Variants in USP46 observed in about 807,000 individuals in gnomAD.
USP46 encodes ubiquitin specific peptidase 46, also known as ubiquitin carboxyl-terminal hydrolase 46.
In USP46, 12 loss-of-function variants were observed where a neutral mutation model predicts 44.4. The observed-to-expected ratio is 0.27, with a 90% confidence interval of 0.17 to 0.44. USP46 has a LOEUF of 0.44. USP46 is among the 20% of genes least tolerant of loss of function. The pLI is 1.00. For synonymous variants in USP46, 155 were observed against 161.5 expected (o/e 0.96, Z 0.31); for missense variants, 248 against 444.8 (o/e 0.56, Z 3.98).
chr4:52,593,905 C>T lies in USP46; in HGVS notation c.*3735G>A, dbSNP rs1361436406. The T allele has an allele frequency of 1.3e-5, 2 of 152,220 alleles. No individual in the cohort carries two copies. The highest frequency in any genetic ancestry group is 2.4e-5 in the African/African-American group (1 of 41,456). The allele number at this position is 152,220 out of a possible 1,614,324, so 9.4% of individuals were successfully genotyped here. A position where few individuals can be genotyped will look rare whatever the true frequency, so the allele number is the denominator to read the frequency against. On this transcript the variant is annotated 3_prime_UTR_variant, in exon 9 of 9. Transcript: ENST00000441222. ...CTGATATTCTCAATTTGCTATTCTC[C>T]AGATACCATTTCCTGAATTAAATTC...
chr4:52,659,196 G>A lies in USP46; in HGVS notation c.-46C>T, dbSNP rs770129425. Reference sequence around the variant, plus strand: ...TCCCTCACCGCCATCTTTACAAGGGGAAACCGGGACTGCCCATGGTGGCGC... The same window carrying A: ...TCCCTCACCGCCATCTTTACAAGGGAAAACCGGGACTGCCCATGGTGGCGC... On this transcript the variant is annotated 5_prime_UTR_variant, in exon 1 of 9. Coordinates refer to ENST00000441222, the MANE Select transcript of USP46 (RefSeq NM_022832.4). The surrounding 1 kb of genome is among the most constrained non-coding windows in gnomAD (Gnocchi z 4.2). The A allele has an allele frequency of 3.3e-6, 5 of 1,510,656 alleles. No homozygotes were observed. The highest frequency in any genetic ancestry group is 4.4e-6 in the Non-Finnish European group (5 of 1,127,142). The allele number at this position is 1,510,656 out of a possible 1,614,324, so 93.6% of individuals were successfully genotyped here. A position where few individuals can be genotyped will look rare whatever the true frequency, so the allele number is the denominator to read the frequency against.
intron 4 of USP46, among the ~76,000 whole-genome samples, chr4:52,620,240 G>C (rs564794127): frequency 2.0e-5 from 3 of 152,242 alleles, no homozygotes; most frequent in African/African-American, 7.2e-5. Context: ...CTACAGATGT[G>C]TCTGAGCCCA....
intron 6 of USP46, among the ~76,000 whole-genome samples, chr4:52,604,066 T>C (rs1716584719): frequency 6.6e-6 from 1 of 152,206 alleles, no homozygotes. Context: ...TTTAAACCTC[T>C]GTCTCTAAAT....
intron 4 of USP46, among the ~76,000 whole-genome samples, chr4:52,618,447 G>A (rs552246635): frequency 1.9e-4 from 29 of 151,918 alleles, no homozygotes; most frequent in African/African-American, 6.5e-4. Context: ...CCAAGATCAC[G>A]CCACTACACT....
At chr4:52,631,521 ATCAAAG>A (rs1489837370) in intron 1 of USP46, among the ~76,000 whole-genome samples, 2 of 152,184 alleles carry the variant, frequency 1.3e-5, no homozygotes, top group South Asian at 2.1e-4. Flanking sequence ...TATTACCACT[ATCAAAG>A]TCAATGTATT....
intron 1 of USP46, chr4:52,651,190 A>G (rs977650964): frequency 1.3e-5 from 2 of 152,272 alleles, no homozygotes; most frequent in Middle Eastern, 3.4e-3. Context: ...AAACTTTCAC[A>G]TGGCAGGTAA....
At chr4:52,618,536 G>A (rs978048820) in intron 4 of USP46, among the ~76,000 whole-genome samples, 20 of 151,162 alleles carry the variant, frequency 1.3e-4, no homozygotes, top group African/African-American at 4.4e-4. Context: ...GTGCACTACT[G>A]TATTCCAGCC....
chr4:52,655,078 AAGCC>A (rs1176475598), intron 1 of USP46, among the ~76,000 whole-genome samples: 1 of 152,250 alleles, frequency 6.6e-6, no homozygotes, highest in Non-Finnish European at 1.5e-5. Flanking sequence ...TATAAAATAA[AAGCC>A]AGAAGCAGAA....
rs1474822436 is a variant in USP46 at position 52,601,960 on chromosome 4, G to A, written c.817C>T (p.Arg273Cys). The A allele has an allele frequency of 1.9e-6, 3 of 1,613,982 alleles. No individual in the cohort carries two copies. Among genetic ancestry groups the A allele is most frequent in the South Asian group, 1.1e-5 (1 of 91,076 alleles). The change falls in exon 7 of 9, where the codon CGT becomes TGT. Residue 273 changes from arginine (R) to cysteine (C), a missense_variant. Physicochemically the swap from Arg to Cys is radical, Grantham distance 180. This residue lies in a region of USP46 where 98 missense variants were observed against 218.2 expected (regional missense o/e 0.45). Transcript: ENST00000441222. ...QLHRYTKLSYRVVFPLELRLF... is the reference protein window; with the variant it reads ...QLHRYTKLSYCVVFPLELRLF... ...CGGAGTTCCAGAGGGAAGACCACACGGTAAGACAGCTTGGTGTATCTGTGC... is the reference window on the plus strand; with the variant it reads ...CGGAGTTCCAGAGGGAAGACCACACAGTAAGACAGCTTGGTGTATCTGTGC...
chr4:52,625,512 C>T (rs1717546237), intron 4 of USP46, among the ~76,000 whole-genome samples: 1 of 152,132 alleles, frequency 6.6e-6, no homozygotes, highest in Non-Finnish European at 1.5e-5. Flanking sequence ...ATGTGTCAGA[C>T]CCATCCAAAC....
At chr4:52,600,189 G>C (rs997226415) in intron 7 of USP46, among the ~76,000 whole-genome samples, 4 of 152,110 alleles carry the variant, frequency 2.6e-5, no homozygotes, top group Admixed American at 2.6e-4. Context: ...CCTGTGCTGT[G>C]TGTCTTTTCG....
At chr4:52,597,982 A>G (rs17051587) in intron 8 of USP46, among the ~76,000 whole-genome samples, 4,451 of 152,218 alleles carry the variant, frequency 0.029, 199 homozygotes, top group African/African-American at 0.096. Flanking sequence ...CTGTGTGGGC[A>G]CTCTTTGAAG....
chr4:52,618,803 G>C (rs965250442), intron 4 of USP46, among the ~76,000 whole-genome samples: 4 of 152,094 alleles, frequency 2.6e-5, no homozygotes, highest in Non-Finnish European at 5.9e-5. Context: ...CCATTACCCA[G>C]CCCTACTCCT....
Position 52,601,874 on chromosome 4 carries a change from C to G in USP46, c.903G>C (p.Val301=). 1 of 1,613,470 alleles carries G rather than the reference C, an allele frequency of 6.2e-7. No individual in the cohort carries two copies. Among genetic ancestry groups the G allele is most frequent in the Non-Finnish European group, 8.5e-7 (1 of 1,179,728 alleles). Reference sequence around the variant, plus strand: ...GCCCTTACCTGCCACAGTGAACGACCACCGCAACCAAGTCATACATGCGGT... The same window carrying G: ...GCCCTTACCTGCCACAGTGAACGACGACCGCAACCAAGTCATACATGCGGT... ...NLDRMYDLVA[V]VVHCGSGPNR... is the part of the protein sequence containing the mutation. Residue 301 remains valine (V), a synonymous_variant, in exon 7 of 9, where the codon GTG becomes GTC. Coordinates refer to ENST00000441222, the MANE Select transcript of USP46 (RefSeq NM_022832.4).
chr4:52,597,462 A>G lies in USP46; in HGVS notation c.*178T>C, dbSNP rs114145054. On this transcript the variant is annotated 3_prime_UTR_variant, in exon 9 of 9. Transcript: ENST00000441222. ...TTAACTCTATGTCAGACTGAAATAA[A>G]ACCAAGAGTAGTGCTGCATGTAAAA... 5.2e-5 allele frequency: 29 copies of G among 558,652 alleles called. No homozygotes were observed. The highest frequency in any genetic ancestry group is 4.3e-4 in the African/African-American group (22 of 51,480). The allele number at this position is 558,652 out of a possible 1,614,324, so 34.6% of individuals were successfully genotyped here.
rs1716296999 is a variant in USP46, at chr4:52,597,611, C to A, written c.*29G>T. 2 of 1,479,548 alleles carry A rather than the reference C, an allele frequency of 1.4e-6. No homozygotes were observed. Among genetic ancestry groups the A allele is most frequent in the South Asian group, 1.2e-5 (1 of 81,906 alleles). The allele number at this position is 1,479,548 out of a possible 1,614,324, so 91.7% of individuals were successfully genotyped here. ...GTGACAGTGCTGTGAACATTCTCCC[C>A]ACGTGAATCAGTCCCGCAGGTCTTT... is the stretch of plus-strand genomic sequence containing the variant. On this transcript the variant is annotated 3_prime_UTR_variant, in exon 9 of 9. Coordinates refer to ENST00000441222, the MANE Select transcript of USP46 (RefSeq NM_022832.4).
intron 1 of USP46, among the ~76,000 whole-genome samples, chr4:52,653,495 C>CAAAAAAAAAAAAAAAAAAAAA (rs397880678): frequency 1.9e-5 from 1 of 53,020 alleles, no homozygotes; most frequent in Non-Finnish European, 3.8e-5. Flanking sequence ...AACTCTATCT[C>CAAAAAAAAAAAAAAAAAAAAA]AAAAAAAAAA....
At chr4:52,642,823 T>G (rs949486548) in intron 1 of USP46, among the ~76,000 whole-genome samples, 1 of 152,052 alleles carries the variant, frequency 6.6e-6, no homozygotes, top group African/African-American at 2.4e-5. Context: ...AAAAAGCAAA[T>G]TTGAGTTCTA....
At chr4:52,650,672 T>C (rs1718721640) in intron 1 of USP46, among the ~76,000 whole-genome samples, 1 of 152,248 alleles carries the variant, frequency 6.6e-6, no homozygotes, top group African/African-American at 2.4e-5. Flanking sequence ...TGTATGTTAA[T>C]GTTTTGTGAT....
Sources: gnomAD v4.1 joint callset for allele counts (sites outside exome capture counted in the v4.1 genomes callset) on GRCh38, gnomAD v4.1.1 for gene constraint, gnomAD v4.1.1 regional missense constraint, Gnocchi (gnomAD v3.1) non-coding constraint, MANE v1.5 for transcripts, NCBI Gene and HGNC (gene_info 2026-07-23, HGNC 2026-07-21) for gene names.